ZFPM2: variants seen among roughly 807,000 people sequenced by gnomAD.
ZFPM2 encodes the protein zinc finger protein ZFPM2.
Under a neutral mutation model 98.6 loss-of-function variants are expected in ZFPM2, and 20 were observed. The ratio of observed to expected loss-of-function variants is 0.20; its 90% CI spans 0.14 to 0.29. The LOEUF (loss-of-function observed/expected upper bound fraction) is 0.29, where lower values mean the gene tolerates loss of function less well. Among genes scored for constraint, ZFPM2 ranks in the 10% least tolerant of loss-of-function variants. The pLI is 1.00. For missense variants in ZFPM2, 1,310 were observed against 1,388.6 expected, an observed-to-expected ratio of 0.94 and a Z score of 0.90; for synonymous variants, 518 against 502.7, an observed-to-expected ratio of 1.03 and a Z score of -0.41.
chr8:105,393,333 T>TCTCTC (rs370622164), intron 1 of ZFPM2, among the ~76,000 whole-genome samples: 3 of 92,930 alleles, frequency 3.2e-5, no homozygotes, highest in African/African-American at 1.3e-4. Flanking sequence ...TCTCTCTCTC[T>TCTCTC]TTGCCTTTCT....
intron 2 of ZFPM2, among the ~76,000 whole-genome samples, chr8:105,422,125 A>G (rs1811806905): frequency 6.6e-6 from 1 of 151,696 alleles, no homozygotes; most frequent in Non-Finnish European, 1.5e-5. Flanking sequence ...AAAGCAAATA[A>G]GACATGTTCC....
intron 3 of ZFPM2, among the ~76,000 whole-genome samples, chr8:105,489,466 A>ATATT (rs1554610604): frequency 2.5e-5 from 3 of 119,810 alleles, no homozygotes; most frequent in African/African-American, 7.2e-5. Flanking sequence ...ATATATATAT[A>ATATT]TTTTTTTTTT....
intron 5 of ZFPM2, among the ~76,000 whole-genome samples, chr8:105,689,978 C>T (rs1202361713): frequency 6.6e-6 from 1 of 152,122 alleles, no homozygotes; most frequent in Non-Finnish European, 1.5e-5. Context: ...TTTACTCTTC[C>T]AGTGACATCA....
intron 4 of ZFPM2, among the ~76,000 whole-genome samples, chr8:105,566,276 G>T (rs1815242118): frequency 6.6e-6 from 1 of 152,058 alleles, no homozygotes; most frequent in East Asian, 1.9e-4. Flanking sequence ...TGAAAAAATT[G>T]ATACCAGTGA....
intron 2 of ZFPM2, among the ~76,000 whole-genome samples, chr8:105,432,585 A>G (rs923467709): frequency 7.2e-5 from 11 of 152,156 alleles, no homozygotes; most frequent in African/African-American, 2.7e-4. Flanking sequence ...AGAACAATAG[A>G]ATTGTGATGG....
intron 3 of ZFPM2, among the ~76,000 whole-genome samples, chr8:105,530,586 C>T (rs868432442): frequency 1.3e-5 from 2 of 152,062 alleles, no homozygotes; most frequent in East Asian, 1.9e-4. Flanking sequence ...CATGAGAGAG[C>T]GAGAGTGCAT....
At chr8:105,604,212 G>T (rs1816150579) in intron 4 of ZFPM2, among the ~76,000 whole-genome samples, 1 of 151,936 alleles carries the variant, frequency 6.6e-6, no homozygotes, top group Admixed American at 6.6e-5. Context: ...CCTCAAATCT[G>T]GGAGTTAGCC....
intron 1 of ZFPM2, among the ~76,000 whole-genome samples, chr8:105,405,769 A>G (rs1378241648): frequency 3.3e-5 from 5 of 152,090 alleles, no homozygotes; most frequent in Admixed American, 3.3e-4. Flanking sequence ...TAACAGCATG[A>G]TTTATAATCC....
At chr8:105,646,002 G>A (rs1464011376) in intron 5 of ZFPM2, among the ~76,000 whole-genome samples, 4 of 148,070 alleles carry the variant, frequency 2.7e-5, no homozygotes, top group Non-Finnish European at 4.5e-5. Context: ...GCAGTGAGCC[G>A]AGATCACACC....
At chr8:105,382,916 G>A (rs1810915836) in intron 1 of ZFPM2, among the ~76,000 whole-genome samples, 1 of 152,064 alleles carries the variant, frequency 6.6e-6, no homozygotes, top group Admixed American at 6.6e-5. Context: ...TAAAGGTGTA[G>A]AATATAGTAA....
Position 105,649,713 on chromosome 8 carries a change from G to C in ZFPM2, c.532+15356G>C, listed in dbSNP as rs551232005. Among the ~76,000 whole-genome samples the C allele has an allele frequency of 2.6e-5, 4 of 152,252 alleles. No homozygotes were observed. The East Asian group carries it at 7.7e-4, about 29-fold the overall frequency. On this transcript the variant is annotated intron_variant, in intron 5 of 7. Transcript: ENST00000407775. ...GATTTGCGTATGTTGAACCAGCCTT[G>C]CATCCCAGGGATGAAGCCCACTTGA...
chr8:105,728,409 A>G (rs2131009477), intron 5 of ZFPM2, among the ~76,000 whole-genome samples: 1 of 151,836 alleles, frequency 6.6e-6, no homozygotes. Flanking sequence ...TGATTTCTTT[A>G]TTTCCCAACC....
At chr8:105,683,931 T>C (rs1469263749) in intron 5 of ZFPM2, among the ~76,000 whole-genome samples, 2 of 152,162 alleles carry the variant, frequency 1.3e-5, no homozygotes, top group East Asian at 1.9e-4. Flanking sequence ...ACATGGCAGG[T>C]GTCTGTTAAA....
At chr8:105,422,649 T>C (rs1811819143) in intron 2 of ZFPM2, among the ~76,000 whole-genome samples, 1 of 152,086 alleles carries the variant, frequency 6.6e-6, no homozygotes, top group Non-Finnish European at 1.5e-5. Flanking sequence ...AGCATAAAAA[T>C]TTTGTAAATT....
chr8:105,598,875 A>C (rs1237700906), intron 4 of ZFPM2, among the ~76,000 whole-genome samples: 1 of 152,176 alleles, frequency 6.6e-6, no homozygotes, highest in Non-Finnish European at 1.5e-5. Context: ...CCACTAATGC[A>C]TTCTGCACAG....
chr8:105,431,850 T>G (rs1586367265), intron 2 of ZFPM2, among the ~76,000 whole-genome samples: 1 of 146,552 alleles, frequency 6.8e-6, no homozygotes, highest in African/African-American at 2.6e-5. Flanking sequence ...GGCCTGGGAG[T>G]TTGAGGCCAC....
At chr8:105,538,913 G>C (rs1814518844) in intron 3 of ZFPM2, among the ~76,000 whole-genome samples, 1 of 152,078 alleles carries the variant, frequency 6.6e-6, no homozygotes, top group Non-Finnish European at 1.5e-5. Flanking sequence ...TACTCGGGAG[G>C]CTGAGACCAG....
intron 3 of ZFPM2, among the ~76,000 whole-genome samples, chr8:105,510,039 A>G (rs1198208526): frequency 6.6e-6 from 1 of 152,148 alleles, no homozygotes; most frequent in Admixed American, 6.6e-5. Flanking sequence ...GTGATTTGAA[A>G]TACCTCCTTC....
chr8:105,460,892 T>C (rs1812693007), intron 3 of ZFPM2, among the ~76,000 whole-genome samples: 1 of 151,980 alleles, frequency 6.6e-6, no homozygotes, highest in Non-Finnish European at 1.5e-5. Flanking sequence ...TTGAAATAAA[T>C]ATGAGATTTT....
Sources: gnomAD v4.1 joint callset for allele counts (sites outside exome capture counted in the v4.1 genomes callset) on GRCh38, gnomAD v4.1.1 for gene constraint, MANE v1.5 for transcripts, NCBI Gene and HGNC (gene_info 2026-07-23, HGNC 2026-07-21) for gene names.